Variants in IQCE observed in about 807,000 individuals in gnomAD.
IQCE encodes IQ motif containing E, also known as IQ domain-containing protein E.
Under a neutral mutation model 96.0 loss-of-function variants are expected in IQCE, and 115 were observed. That is an observed-to-expected ratio of 1.20 (90% confidence interval 1.03 to 1.40). IQCE has a LOEUF of 1.40. Among genes scored for constraint, IQCE ranks in the 40% most tolerant of loss-of-function variants. IQCE has a pLI of 0.00. For synonymous variants in IQCE, 412 were observed against 371.2 expected (o/e 1.11, Z -1.26); for missense variants, 1,041 against 909.1 (o/e 1.15, Z -1.87).
chr7:2,571,453 C>G, intron 3 of IQCE, 73 bp from the exon 4 acceptor site: 2 of 1,581,684 alleles, frequency 1.3e-6, no homozygotes, highest in Non-Finnish European at 1.7e-6. Flanking sequence ...CTATTTCTGT[C>G]TTTCTGAAGT....
In IQCE at chr7:2,610,139, C is replaced by G; in HGVS notation, c.2065C>G (p.Pro689Ala). ...SDDIVIAPSL[P>A]TKNFPV ...CGATATTGTCATTGCACCGTCTCTG[C>G]CCACGAAGAACTTTCCAGTTTAGGT... The change falls in exon 22 of 22, where the codon CCC (proline) becomes GCC (alanine). Residue 689 changes from proline (P) to alanine (A), a missense_variant. Physicochemically the swap from Pro to Ala is conservative, Grantham distance 27 (BLOSUM62 -1). Coordinates refer to ENST00000402050, the MANE Select transcript of IQCE (RefSeq NM_152558.5). 6.2e-7 allele frequency: 1 copy of G among 1,609,928 alleles called. No individual in the cohort carries two copies. The highest frequency in any genetic ancestry group is 8.5e-7 in the Non-Finnish European group (1 of 1,176,098).
At chr7:2,603,464 C>T (rs1363293172) in intron 18 of IQCE, among the ~76,000 whole-genome samples, 7 of 142,974 alleles carry the variant, frequency 4.9e-5, no homozygotes, top group Admixed American at 2.0e-4. Context: ...TGCCGTCTCC[C>T]CATCCTGCTT....
chr7:2,597,038 G>A (rs964505208), intron 16 of IQCE: 5 of 471,228 alleles, frequency 1.1e-5, no homozygotes, highest in Middle Eastern at 3.2e-4. Flanking sequence ...GGCAGGGCAC[G>A]CAAGGCCACG....
intron 12 of IQCE, among the ~76,000 whole-genome samples, chr7:2,586,869 G>A (rs1282961082): frequency 6.6e-6 from 1 of 152,208 alleles, no homozygotes; most frequent in Non-Finnish European, 1.5e-5. Context: ...GGCCCAGCGG[G>A]GCGAGGCAGG....
In IQCE at chr7:2,587,724, C is replaced by A. The variant is rs886607573; in HGVS notation, c.989-98C>A. 3 of 1,230,008 alleles carry A rather than the reference C, an allele frequency of 2.4e-6. No homozygotes were observed. In the African/African-American group the frequency reaches 4.4e-5, roughly 18 times the overall value. 76.2% of individuals were successfully genotyped at this position (1,230,008 alleles called of 1,614,324 possible). On this transcript the variant is annotated intron_variant, in intron 12 of 21. Coordinates refer to ENST00000402050, the MANE Select transcript of IQCE (RefSeq NM_152558.5). ...GGCTCTGCAGCCCCGCAGGCTGCTC[C>A]GGCTGCGGAAGAGGAGCCTCAGGCC...
chr7:2,575,866 C>A (rs1034994621), intron 6 of IQCE, among the ~76,000 whole-genome samples: 1 of 152,164 alleles, frequency 6.6e-6, no homozygotes, highest in African/African-American at 2.4e-5. Context: ...CCGGCCCATC[C>A]GCCTCCTTCT....
chr7:2,577,353 TGCGCGCGGGGAC>T (rs1404341569), intron 6 of IQCE, among the ~76,000 whole-genome samples: 22 of 125,662 alleles, frequency 1.8e-4, no homozygotes, highest in Non-Finnish European at 3.0e-4. Context: ...TGCGTGGCTG[TGCGCGCGGGGAC>T]GTGTGTGCGG....
intron 6 of IQCE, among the ~76,000 whole-genome samples, chr7:2,574,989 TG>T (rs1396522974): frequency 1.3e-5 from 2 of 152,248 alleles, no homozygotes; most frequent in African/African-American, 2.4e-5. Context: ...GTTTCAAGCG[TG>T]CCTGTCATTG....
intron 1 of IQCE, among the ~76,000 whole-genome samples, chr7:2,560,444 C>T (rs1383676250): frequency 1.3e-5 from 2 of 152,172 alleles, no homozygotes; most frequent in South Asian, 2.1e-4. Flanking sequence ...CAGGGTTCAG[C>T]ACAGCTGCAC....
chr7:2,592,451 C>G (rs545828314), intron 14 of IQCE, among the ~76,000 whole-genome samples: 1 of 152,364 alleles, frequency 6.6e-6, no homozygotes, highest in Non-Finnish European at 1.5e-5. Flanking sequence ...CTCTGCGAAG[C>G]ACTCTAGGGT....
intron 1 of IQCE, among the ~76,000 whole-genome samples, chr7:2,560,046 A>G (rs564929895): frequency 6.6e-6 from 1 of 151,964 alleles, no homozygotes; most frequent in African/African-American, 2.4e-5. Context: ...TGTAGTCCCA[A>G]CTACTCAGGA....
Position 2,572,100 on chromosome 7 carries a change from C to T in IQCE, c.260-92C>T, listed in dbSNP as rs149841520. 2.6e-5 allele frequency: 36 copies of T among 1,388,372 alleles called. No homozygotes were observed. The East Asian group carries it at 7.1e-4, about 28-fold the overall frequency. 86.0% of individuals were successfully genotyped at this position (1,388,372 alleles called of 1,614,324 possible). A position where few individuals can be genotyped will look rare whatever the true frequency, so the allele number is the denominator to read the frequency against. On this transcript the variant is annotated intron_variant, in intron 4 of 21. Transcript: ENST00000402050. Reference sequence around the variant, plus strand: ...CGGCTGGCGTCTATCAGTGATTCAGCTTTCTTCAATCCAGGAAAGTTGATT... The same window carrying T: ...CGGCTGGCGTCTATCAGTGATTCAGTTTTCTTCAATCCAGGAAAGTTGATT...
rs768410601 is a variant in IQCE, at chr7:2,601,444, AAAAAG to A, written c.1613_1617del (p.Lys538SerfsTer5). The A allele has an allele frequency of 3.2e-6, 5 of 1,565,126 alleles. No individual in the cohort carries two copies. The South Asian group carries it at 5.8e-5, about 18-fold the overall frequency. ...TTCTTTCTTTTTTTTTTTCCAGAAA[AAAAAG>A]GCTGTTCTGGATGAGGTAAGCGAGG... On this transcript the variant is annotated frameshift_variant, in exon 18 of 22. Transcript: ENST00000402050. LOFTEE classifies it high-confidence loss of function.
rs528517782 is a variant in IQCE, at chr7:2,612,711, G to C, written c.*2549G>C. 1 of 152,798 alleles carries C rather than the reference G, an allele frequency of 6.5e-6. No homozygotes were observed. Among genetic ancestry groups the C allele is most frequent in the African/African-American group, 2.4e-5 (1 of 41,112 alleles). The allele number at this position is 152,798 out of a possible 1,614,324, so 9.5% of individuals were successfully genotyped here. On this transcript the variant is annotated 3_prime_UTR_variant, in exon 22 of 22. Coordinates refer to ENST00000402050, the MANE Select transcript of IQCE (RefSeq NM_152558.5). ...TGAGCTGTGGGCGGGGCCTAGTCAC[G>C]GGAGAGGTGAGCTGTGGGCGGGGCC...
rs546230105 is a variant in IQCE at position 2,600,372 on chromosome 7, GC to G, written c.1609-1068del. On this transcript the variant is annotated intron_variant, in intron 17 of 21. Transcript: ENST00000402050. ...GTTTCTAACCTGGCCATGGCTGCTG[GC>G]TTTCGCCATTTTAAAGAAACGAGTT... Among the ~76,000 whole-genome samples, 294 of 152,334 alleles carry G rather than the reference GC, an allele frequency of 1.9e-3. 1 individual carries two copies. The highest frequency in any genetic ancestry group is 6.8e-3 in the African/African-American group (282 of 41,580).
intron 8 of IQCE, 35 bp from the exon 9 acceptor site, chr7:2,582,545 G>A: frequency 6.3e-7 from 1 of 1,597,338 alleles, no homozygotes; most frequent in Non-Finnish European, 8.6e-7. Context: ...GGGAGAGAGG[G>A]CGTGGCCTGC....
intron 14 of IQCE, among the ~76,000 whole-genome samples, chr7:2,591,351 C>T: frequency 6.6e-6 from 1 of 152,138 alleles, no homozygotes; most frequent in Non-Finnish European, 1.5e-5. Flanking sequence ...AGTTCCATGA[C>T]CTGTGGCCGT....
Position 2,559,233 on chromosome 7 carries a change from G to T in IQCE, c.36+16G>T. 8.3e-7 allele frequency: 1 copy of T among 1,211,640 alleles called. No homozygotes were observed. The highest frequency in any genetic ancestry group is 4.1e-5 in the South Asian group (1 of 24,194). The allele number at this position is 1,211,640 out of a possible 1,614,324, so 75.1% of individuals were successfully genotyped here. A position where few individuals can be genotyped will look rare whatever the true frequency, so the allele number is the denominator to read the frequency against. On this transcript the variant is annotated intron_variant, in intron 1 of 21. Transcript: ENST00000402050. ...CTTGGACACGGTAAGAACGGGCGAG[G>T]GGGCGACGCCGGGCGGGCGTCCGCG...
intron 10 of IQCE, among the ~76,000 whole-genome samples, chr7:2,583,975 G>A (rs1214971353): frequency 7.9e-6 from 1 of 125,838 alleles, no homozygotes; most frequent in Non-Finnish European, 1.7e-5. Flanking sequence ...GGCGGGCACC[G>A]TGCTGGGTGG....
Sources: gnomAD v4.1 joint callset for allele counts (sites outside exome capture counted in the v4.1 genomes callset) on GRCh38, gnomAD v4.1.1 for gene constraint, MANE v1.5 for transcripts, NCBI Gene and HGNC (gene_info 2026-07-23, HGNC 2026-07-21) for gene names.